ZNF383: variants seen among roughly 807,000 people sequenced by gnomAD.
The protein encoded by ZNF383 is zinc finger protein 383.
In ZNF383, 32 loss-of-function variants were observed where a neutral mutation model predicts 44.2. The ratio of observed to expected loss-of-function variants is 0.72; its 90% CI spans 0.55 to 0.97. ZNF383 has a LOEUF of 0.97. Among genes scored for constraint, ZNF383 ranks in the 50% least tolerant of loss-of-function variants. The probability of loss-of-function intolerance (pLI) is 0.00; values close to 1 mark genes in which losing one functional copy is unlikely to be tolerated. For synonymous variants in ZNF383, 155 were observed against 186.2 expected, an observed-to-expected ratio of 0.83 and a Z score of 1.36; for missense variants, 487 against 562.5, an observed-to-expected ratio of 0.87 and a Z score of 1.36.
chr19:37,227,348 G>T (rs1371790383), intron 2 of ZNF383, among the ~76,000 whole-genome samples: 1 of 142,412 alleles, frequency 7.0e-6, no homozygotes, highest in African/African-American at 2.6e-5. Context: ...TCCCGACCTC[G>T]GGTGATCAGC....
At position 37,230,042 on chromosome 19, in the gene ZNF383, AG is replaced by A. The variant is rs533353274; in HGVS notation, c.-45-365del. Among the ~76,000 whole-genome samples the A allele has an allele frequency of 1.7e-3, 259 of 152,040 alleles. 3 individuals carry two copies. Among genetic ancestry groups the A allele is most frequent in the African/African-American group, 6.1e-3 (252 of 41,488 alleles). ...TGGTTTGGGGACCTGAGGGCTGCAA[AG>A]GAGGTCATGGTAGCTCAGTCTTGGG... On this transcript the variant is annotated intron_variant, in intron 2 of 5. Transcript: ENST00000684119.
At chr19:37,233,947 C>T (rs1973638543) in intron 3 of ZNF383, among the ~76,000 whole-genome samples, 1 of 152,028 alleles carries the variant, frequency 6.6e-6, no homozygotes, top group East Asian at 1.9e-4. Context: ...TCACTGCAAC[C>T]TCCACCTCCC....
chr19:37,220,236 T>G (rs1411949665), intron 1 of ZNF383, among the ~76,000 whole-genome samples: 2 of 152,156 alleles, frequency 1.3e-5, no homozygotes, highest in African/African-American at 4.8e-5. Context: ...TTTCTTTTCT[T>G]TTTTTTTCTT....
chr19:37,248,426 T>C lies in ZNF383; in HGVS notation c.*4762T>C, dbSNP rs1350191500. 4 of 152,214 alleles carry C rather than the reference T, an allele frequency of 2.6e-5. No individual in the cohort carries two copies. The highest frequency in any genetic ancestry group is 6.5e-5 in the Admixed American group (1 of 15,278). The allele number at this position is 152,214 out of a possible 1,614,324, so 9.4% of individuals were successfully genotyped here. A position where few individuals can be genotyped will look rare whatever the true frequency, so the allele number is the denominator to read the frequency against. ...GTAACCCATTGAAAATAAATATTTG[T>C]CACATTCTGAATTTAGGAAAAAACA... is the stretch of plus-strand genomic sequence containing the variant. On this transcript the variant is annotated 3_prime_UTR_variant, in exon 6 of 6. Coordinates refer to ENST00000684119, the MANE Select transcript of ZNF383 (RefSeq NM_001387601.1).
chr19:37,242,905 A>G lies in ZNF383; in HGVS notation c.669A>G (p.Glu223=). 6.2e-7 allele frequency: 1 copy of G among 1,614,076 alleles called. No individual in the cohort carries two copies. The highest frequency in any genetic ancestry group is 8.5e-7 in the Non-Finnish European group (1 of 1,179,954). The change falls in exon 6 of 6, where the codon GAA becomes GAG. Residue 223 remains glutamate (E), a synonymous_variant. Transcript: ENST00000684119. Reference sequence around the variant, plus strand: ...GGCATCTGAAAATTCATACTGGCGAAAAACCCTTTGAATGTAAGGAATGTG... The same window carrying G: ...GGCATCTGAAAATTCATACTGGCGAGAAACCCTTTGAATGTAAGGAATGTG... ...VTRHLKIHTG[E]KPFECKECGK...
At chr19:37,235,479 C>T in intron 3 of ZNF383, 70 bp from the exon 4 acceptor site, 2 of 1,517,044 alleles carry the variant, frequency 1.3e-6, no homozygotes, top group Non-Finnish European at 1.8e-6. Flanking sequence ...TATTACCCCA[C>T]AATACAAGCA....
intron 1 of ZNF383, among the ~76,000 whole-genome samples, chr19:37,224,483 T>G (rs777746890): frequency 6.6e-6 from 1 of 152,180 alleles, no homozygotes; most frequent in African/African-American, 2.4e-5. Flanking sequence ...CATTGGAATC[T>G]GAGCCACTGA....
rs566390392 is a variant in ZNF383, at chr19:37,219,997, T to C, written c.-168+1723T>C. Reference sequence around the variant, plus strand: ...AACACACACACACTCTCCCCTCCTCTGTCTCACACACACCCACCCACACAA... The same window carrying C: ...AACACACACACACTCTCCCCTCCTCCGTCTCACACACACCCACCCACACAA... On this transcript the variant is annotated intron_variant, in intron 1 of 5. Coordinates refer to ENST00000684119, the MANE Select transcript of ZNF383 (RefSeq NM_001387601.1). Among the ~76,000 whole-genome samples the C allele has an allele frequency of 3.5e-4, 54 of 152,226 alleles. 1 individual carries two copies. In the South Asian group the frequency reaches 8.1e-3, roughly 23 times the overall value.
intron 2 of ZNF383, among the ~76,000 whole-genome samples, chr19:37,226,290 C>G (rs1973165867): frequency 6.6e-6 from 1 of 152,116 alleles, no homozygotes; most frequent in African/African-American, 2.4e-5. Flanking sequence ...TATGGTCTCC[C>G]CCATCATCAA....
rs1387262915 is a variant in ZNF383, at chr19:37,243,733, T to C, written c.*69T>C. The stretch of plus-strand genomic sequence containing the variant: ...AAATCATGTCTAATAGTTACCCTCT[T>C]CCGTAGTTTTTTTTAAAACTTTGTA... On this transcript the variant is annotated 3_prime_UTR_variant, in exon 6 of 6. Coordinates refer to ENST00000684119, the MANE Select transcript of ZNF383 (RefSeq NM_001387601.1). The C allele has an allele frequency of 1.9e-6, 2 of 1,076,492 alleles. No individual in the cohort carries two copies. Among genetic ancestry groups the C allele is most frequent in the African/African-American group, 1.6e-5 (1 of 63,116 alleles). 66.7% of individuals were successfully genotyped at this position (1,076,492 alleles called of 1,614,324 possible). A position where few individuals can be genotyped will look rare whatever the true frequency, so the allele number is the denominator to read the frequency against.
rs558523469 is a variant in ZNF383, at chr19:37,232,339, A to G, written c.9+1877A>G. On this transcript the variant is annotated intron_variant, in intron 3 of 5. Coordinates refer to ENST00000684119, the MANE Select transcript of ZNF383 (RefSeq NM_001387601.1). ...CCACCCACCTTCGCAAAGTGCTGGG[A>G]TTACAGGTGTGAGCCACCATGCCCG... Among the ~76,000 whole-genome samples, 155 of 152,214 alleles carry G rather than the reference A, an allele frequency of 1.0e-3. 1 individual carries two copies. Among genetic ancestry groups the G allele is most frequent in the Non-Finnish European group, 1.0e-3 (71 of 68,000 alleles).
rs1974369713 is a variant in ZNF383, at chr19:37,246,221, T to A, written c.*2557T>A. The A allele has an allele frequency of 6.6e-6, 1 of 152,258 alleles. No individual in the cohort carries two copies. Among genetic ancestry groups the A allele is most frequent in the Non-Finnish European group, 1.5e-5 (1 of 68,044 alleles). The allele number at this position is 152,258 out of a possible 1,614,324, so 9.4% of individuals were successfully genotyped here. On this transcript the variant is annotated 3_prime_UTR_variant, in exon 6 of 6. Transcript: ENST00000684119. ...AAACTGTTATCACATAATACAGGTTTAGTAAAAGTTTTCCACTATTATCAG... is the reference window on the plus strand; with the variant it reads ...AAACTGTTATCACATAATACAGGTTAAGTAAAAGTTTTCCACTATTATCAG...
intron 2 of ZNF383, among the ~76,000 whole-genome samples, chr19:37,229,834 G>A (rs1973395316): frequency 7.0e-6 from 1 of 143,782 alleles, no homozygotes. Flanking sequence ...AACAGAGCTA[G>A]AAGAATTAGT....
At position 37,247,884 on chromosome 19, in the gene ZNF383, C is replaced by T. The variant is rs1004686779; in HGVS notation, c.*4220C>T. ...GCATGGTGGCTCACGCCTGTAATCT[C>T]AGCATTCTGTGAGGCCAAGGCGGGT... On this transcript the variant is annotated 3_prime_UTR_variant, in exon 6 of 6. Coordinates refer to ENST00000684119, the MANE Select transcript of ZNF383 (RefSeq NM_001387601.1). The T allele has an allele frequency of 2.0e-5, 3 of 152,208 alleles. No homozygotes were observed. The highest frequency in any genetic ancestry group is 7.2e-5 in the African/African-American group (3 of 41,450). The allele number at this position is 152,208 out of a possible 1,614,324, so 9.4% of individuals were successfully genotyped here. A position where few individuals can be genotyped will look rare whatever the true frequency, so the allele number is the denominator to read the frequency against.
intron 1 of ZNF383, 95 bp downstream of exon 1, chr19:37,218,369 T>C (rs976391422): frequency 6.6e-6 from 1 of 152,660 alleles, no homozygotes; most frequent in African/African-American, 2.4e-5. Context: ...GTCGGGCTGA[T>C]AGAGGGGGTG....
chr19:37,248,225 A>G lies in ZNF383; in HGVS notation c.*4561A>G, dbSNP rs1429591559. The G allele has an allele frequency of 3.9e-5, 6 of 152,238 alleles. No homozygotes were observed. Among genetic ancestry groups the G allele is most frequent in the Non-Finnish European group, 7.3e-5 (5 of 68,036 alleles). 9.4% of individuals were successfully genotyped at this position (152,238 alleles called of 1,614,324 possible). A position where few individuals can be genotyped will look rare whatever the true frequency, so the allele number is the denominator to read the frequency against. The stretch of plus-strand genomic sequence containing the variant: ...AAAAGACACCAAGGTAGAGATTTTT[A>G]TAGGTGAAATCTATGAAATGTCTTA... On this transcript the variant is annotated 3_prime_UTR_variant, in exon 6 of 6. Coordinates refer to ENST00000684119, the MANE Select transcript of ZNF383 (RefSeq NM_001387601.1).
Position 37,243,480 on chromosome 19 carries a change from T to C in ZNF383, c.1244T>C (p.Ile415Thr). 6.2e-7 allele frequency: 1 copy of C among 1,614,046 alleles called. No individual in the cohort carries two copies. ...QNSQLFQHQR[I>T]HTDEKPYECN... is the part of the protein sequence containing the mutation. ...TCACAACTTTTCCAGCATCAGAGAA[T>C]TCATACAGATGAAAAACCATATGAA... Residue 415 changes from isoleucine to threonine, a missense_variant, in exon 6 of 6, where the codon ATT becomes ACT. Ile to Thr is a moderately conservative substitution (Grantham distance 89). Transcript: ENST00000684119.
chr19:37,242,837 A>G lies in ZNF383; in HGVS notation c.601A>G (p.Lys201Glu), dbSNP rs771049359. The change falls in exon 6 of 6, where the codon AAA becomes GAA. Residue 201 changes from lysine to glutamate, a missense_variant. Physicochemically the swap from Lys to Glu is moderately conservative, Grantham distance 56. Coordinates refer to ENST00000684119, the MANE Select transcript of ZNF383 (RefSeq NM_001387601.1). The stretch of plus-strand genomic sequence containing the variant: ...TATTGGTGAAAAATCTTATGAATGT[A>G]AAGAGTGTGGGAAATTCTTTAGTTG... Reference protein sequence around the residue: ...IHIGEKSYECKECGKFFSCGS... With the variant: ...IHIGEKSYECEECGKFFSCGS... 1.9e-5 allele frequency: 31 copies of G among 1,613,892 alleles called. No individual in the cohort carries two copies. In the East Asian group the frequency reaches 6.7e-4, roughly 35 times the overall value.
intron 3 of ZNF383, 36 bp downstream of exon 3, chr19:37,230,498 A>G (rs1973435303): frequency 6.3e-7 from 1 of 1,576,480 alleles, no homozygotes; most frequent in East Asian, 2.3e-5. Context: ...CCTGACATTT[A>G]GTTTAAAAAA....
Sources: allele counts gnomAD v4.1 joint callset (sites outside exome capture counted in the v4.1 genomes callset), GRCh38; gene constraint gnomAD v4.1.1; transcripts MANE v1.5; gene names NCBI Gene and HGNC (gene_info 2026-07-23, HGNC 2026-07-21).